B3GALT5: variants seen among roughly 807,000 people sequenced by gnomAD.
B3GALT5 encodes beta-1,3-galactosyltransferase 5, also known as UDP-Gal:betaGlcNAc beta 1,3-galactosyltransferase, polypeptide 5.
For synonymous variants in B3GALT5, 156 were observed against 158.6 expected, an observed-to-expected ratio of 0.98 and a Z score of 0.12; for missense variants, 328 against 396.6, an observed-to-expected ratio of 0.83 and a Z score of 1.47.
rs1430499630 is a variant in B3GALT5 at position 39,666,897 on chromosome 21, T to C, written c.*5405T>C. 1 of 152,286 alleles carries C rather than the reference T, an allele frequency of 6.6e-6. No individual in the cohort carries two copies. The highest frequency in any genetic ancestry group is 1.5e-5 in the Non-Finnish European group (1 of 68,112). The allele number at this position is 152,286 out of a possible 1,614,324, so 9.4% of individuals were successfully genotyped here. A position where few individuals can be genotyped will look rare whatever the true frequency, so the allele number is the denominator to read the frequency against. Reference sequence around the variant, plus strand: ...CACACCTGTCTGGATTCATCCCGACTCGAGCCACCTCCTCCTAACTGGTCC... The same window carrying C: ...CACACCTGTCTGGATTCATCCCGACCCGAGCCACCTCCTCCTAACTGGTCC... On this transcript the variant is annotated 3_prime_UTR_variant, in exon 4 of 4. Transcript: ENST00000684187.
Position 39,661,568 on chromosome 21 carries a change from G to T in B3GALT5, c.*76G>T. On this transcript the variant is annotated 3_prime_UTR_variant, in exon 4 of 4. Transcript: ENST00000684187. The surrounding 1 kb of genome is among the most constrained non-coding windows in gnomAD (Gnocchi z 4.7). ...GTTTTTGCTAGATTTTGGAAGAGGG[G>T]GCGGGACAGAGGATGCTGTTCTTCA... 1 of 1,359,298 alleles carries T rather than the reference G, an allele frequency of 7.4e-7. No homozygotes were observed. Among genetic ancestry groups the T allele is most frequent in the East Asian group, 2.5e-5 (1 of 40,532 alleles). 84.2% of individuals were successfully genotyped at this position (1,359,298 alleles called of 1,614,324 possible). A position where few individuals can be genotyped will look rare whatever the true frequency, so the allele number is the denominator to read the frequency against.
rs1466742167 is a variant in B3GALT5 at position 39,670,459 on chromosome 21, C to T, written c.*8967C>T. The T allele has an allele frequency of 1.3e-5, 2 of 152,174 alleles. No individual in the cohort carries two copies. The highest frequency in any genetic ancestry group is 3.9e-4 in the East Asian group (2 of 5,190). 9.4% of individuals were successfully genotyped at this position (152,174 alleles called of 1,614,324 possible). On this transcript the variant is annotated 3_prime_UTR_variant, in exon 4 of 4. Coordinates refer to ENST00000684187, the MANE Select transcript of B3GALT5 (RefSeq NM_001356336.2). ...GCAGGGTGGAGTTGAGGGCCTCACT[C>T]GTTTTCACCTTTGCACAATCAGTCA...
At chr21:39,658,695 A>G (rs1423459022) in intron 2 of B3GALT5, among the ~76,000 whole-genome samples, 2 of 152,164 alleles carry the variant, frequency 1.3e-5, no homozygotes, top group African/African-American at 4.8e-5. Context: ...GCACCAGTTC[A>G]GACAAGTTCT....
rs2079581510 is a variant in B3GALT5, at chr21:39,666,711, TG to T, written c.*5220del. 1 of 152,324 alleles carries T rather than the reference TG, an allele frequency of 6.6e-6. No homozygotes were observed. Among genetic ancestry groups the T allele is most frequent in the Non-Finnish European group, 1.5e-5 (1 of 68,124 alleles). The allele number at this position is 152,324 out of a possible 1,614,324, so 9.4% of individuals were successfully genotyped here. A position where few individuals can be genotyped will look rare whatever the true frequency, so the allele number is the denominator to read the frequency against. On this transcript the variant is annotated 3_prime_UTR_variant, in exon 4 of 4. Transcript: ENST00000684187. ...TTAAAAAACAAAACAAAACCCTAAA[TG>T]TATTTAATTCCTGCTCCTCTTCAAA...
At position 39,668,593 on chromosome 21, in the gene B3GALT5, G is replaced by A. The variant is rs142563041; in HGVS notation, c.*7101G>A. 681 of 152,246 alleles carry A rather than the reference G, an allele frequency of 4.5e-3. 2 individuals carry two copies. Among genetic ancestry groups the A allele is most frequent in the Non-Finnish European group, 7.4e-3 (501 of 68,056 alleles). The allele number at this position is 152,246 out of a possible 1,614,324, so 9.4% of individuals were successfully genotyped here. A position where few individuals can be genotyped will look rare whatever the true frequency, so the allele number is the denominator to read the frequency against. On this transcript the variant is annotated 3_prime_UTR_variant, in exon 4 of 4. Transcript: ENST00000684187. The stretch of plus-strand genomic sequence containing the variant: ...TCCCCCTCCTGCTCTGAATCAATGC[G>A]AGTGAGATATGCATGCGGGAGGGAC...
chr21:39,614,620 A>C (rs952320404), intron 1 of B3GALT5, among the ~76,000 whole-genome samples: 1 of 152,212 alleles, frequency 6.6e-6, no homozygotes, highest in Non-Finnish European at 1.5e-5. Context: ...AAACTTCTCC[A>C]CACGGATGGT....
chr21:39,639,411 T>TCTTC (rs2079267164), intron 1 of B3GALT5, among the ~76,000 whole-genome samples: 1 of 94,786 alleles, frequency 1.1e-5, no homozygotes, highest in African/African-American at 4.1e-5. Flanking sequence ...TTTCTTTCTT[T>TCTTC]CTTTCTTTCT....
chr21:39,641,202 A>G (rs1334268734), intron 1 of B3GALT5, among the ~76,000 whole-genome samples: 4 of 152,210 alleles, frequency 2.6e-5, no homozygotes, highest in Non-Finnish European at 5.9e-5. Context: ...ACTACTACAA[A>G]CATGATAAAT....
chr21:39,655,504 G>A (rs2079434146), intron 2 of B3GALT5, among the ~76,000 whole-genome samples: 1 of 152,152 alleles, frequency 6.6e-6, no homozygotes, highest in Admixed American at 6.5e-5. Context: ...CCTCCGCCCT[G>A]TGACTTCTTA....
chr21:39,638,208 C>T lies in B3GALT5; in HGVS notation c.-391-8184C>T, dbSNP rs149479925. Among the ~76,000 whole-genome samples the T allele has an allele frequency of 1.7e-3, 260 of 152,258 alleles. 3 individuals carry two copies. Among genetic ancestry groups the T allele is most frequent in the African/African-American group, 5.5e-3 (230 of 41,542 alleles). On this transcript the variant is annotated intron_variant, in intron 1 of 3. Transcript: ENST00000684187. ...GAGGACAGGCATTTTTGTTTTCCTG[C>T]CCAAATGTTGCATTTCCCAAGACCA... is the stretch of plus-strand genomic sequence containing the variant.
At chr21:39,651,309 C>T (rs1305579385) in intron 2 of B3GALT5, among the ~76,000 whole-genome samples, 1 of 152,190 alleles carries the variant, frequency 6.6e-6, no homozygotes, top group Non-Finnish European at 1.5e-5. Context: ...GCTCTGGAGG[C>T]TGGAAGTCTG....
chr21:39,668,024 G>C lies in B3GALT5; in HGVS notation c.*6532G>C, dbSNP rs1300047572. 1 of 152,296 alleles carries C rather than the reference G, an allele frequency of 6.6e-6. No individual in the cohort carries two copies. Among genetic ancestry groups the C allele is most frequent in the Non-Finnish European group, 1.5e-5 (1 of 68,076 alleles). 9.4% of individuals were successfully genotyped at this position (152,296 alleles called of 1,614,324 possible). ...TTCACATTGAGTTCTTGGCACGGCTGTGCCTAGCACTGGGTGCAGGCTGAA... is the reference window on the plus strand; with the variant it reads ...TTCACATTGAGTTCTTGGCACGGCTCTGCCTAGCACTGGGTGCAGGCTGAA... On this transcript the variant is annotated 3_prime_UTR_variant, in exon 4 of 4. Coordinates refer to ENST00000684187, the MANE Select transcript of B3GALT5 (RefSeq NM_001356336.2).
intron 1 of B3GALT5, among the ~76,000 whole-genome samples, chr21:39,639,874 C>T (rs2079276020): frequency 6.6e-6 from 1 of 152,136 alleles, no homozygotes; most frequent in African/African-American, 2.4e-5. Context: ...CTTGTTAGAG[C>T]CTCCTCTCTT....
chr21:39,648,184 A>C (rs977732155), intron 2 of B3GALT5, among the ~76,000 whole-genome samples: 2 of 152,204 alleles, frequency 1.3e-5, no homozygotes, highest in Non-Finnish European at 2.9e-5. Context: ...AAAATCATTC[A>C]GTGTTATTTG....
intron 2 of B3GALT5, among the ~76,000 whole-genome samples, chr21:39,649,217 C>T (rs371775688): frequency 3.9e-5 from 6 of 152,284 alleles, no homozygotes; most frequent in East Asian, 3.9e-4. Context: ...CTCATGGGCC[C>T]GTAAAACCCT....
At chr21:39,622,302 A>C (rs1474255773) in intron 1 of B3GALT5, among the ~76,000 whole-genome samples, 2 of 152,100 alleles carry the variant, frequency 1.3e-5, no homozygotes, top group Non-Finnish European at 2.9e-5. Flanking sequence ...TTCATTGTCA[A>C]ATCATTATTA....
At position 39,667,304 on chromosome 21, in the gene B3GALT5, C is replaced by G. The variant is rs375727765; in HGVS notation, c.*5812C>G. On this transcript the variant is annotated 3_prime_UTR_variant, in exon 4 of 4. Transcript: ENST00000684187. ...CACCGGTTATCCCAACAGGCTGGCA[C>G]AGAGGGCTGAAATGGACTTGGAAAG... 6.6e-6 allele frequency: 1 copy of G among 152,246 alleles called. No individual in the cohort carries two copies. The highest frequency in any genetic ancestry group is 1.5e-5 in the Non-Finnish European group (1 of 68,054). The allele number at this position is 152,246 out of a possible 1,614,324, so 9.4% of individuals were successfully genotyped here.
At chr21:39,622,419 G>A (rs887440662) in intron 1 of B3GALT5, among the ~76,000 whole-genome samples, 3 of 151,978 alleles carry the variant, frequency 2.0e-5, no homozygotes, top group African/African-American at 7.2e-5. Flanking sequence ...ATGCTGTGTT[G>A]TTGAAGCTTA....
rs2066605322 is a variant in B3GALT5 at position 39,669,113 on chromosome 21, G to C, written c.*7621G>C. On this transcript the variant is annotated 3_prime_UTR_variant, in exon 4 of 4. Transcript: ENST00000684187. Reference sequence around the variant, plus strand: ...CAGCTCTTGTTCTTTTTCTTCATTTGAATCTTTCCTGGAACTCTTGGAGAA... The same window carrying C: ...CAGCTCTTGTTCTTTTTCTTCATTTCAATCTTTCCTGGAACTCTTGGAGAA... 1 of 152,116 alleles carries C rather than the reference G, an allele frequency of 6.6e-6. No homozygotes were observed. Among genetic ancestry groups the C allele is most frequent in the African/African-American group, 2.4e-5 (1 of 41,406 alleles). The allele number at this position is 152,116 out of a possible 1,614,324, so 9.4% of individuals were successfully genotyped here. A position where few individuals can be genotyped will look rare whatever the true frequency, so the allele number is the denominator to read the frequency against.
Sources: allele counts gnomAD v4.1 joint callset (sites outside exome capture counted in the v4.1 genomes callset), GRCh38; gene constraint gnomAD v4.1.1; non-coding constraint Gnocchi (gnomAD v3.1); transcripts MANE v1.5; gene names NCBI Gene and HGNC (gene_info 2026-07-23, HGNC 2026-07-21).